RRN3: variants seen among roughly 807,000 people sequenced by gnomAD.
RRN3 encodes RNA polymerase I-specific transcription initiation factor RRN3.
A neutral mutation model predicts 82.3 loss-of-function variants in RRN3; 38 were observed. The observed-to-expected ratio is 0.46, with a 90% confidence interval of 0.36 to 0.61. The LOEUF (loss-of-function observed/expected upper bound fraction) is 0.61. Among genes scored for constraint, RRN3 ranks in the 20% least tolerant of loss-of-function variants. The pLI is 0.00. For synonymous variants in RRN3, 284 were observed against 284.3 expected (o/e 1.00, Z 0.01); for missense variants, 726 against 793.1 (o/e 0.92, Z 1.02).
intron 1 of RRN3, among the ~76,000 whole-genome samples, chr16:15,093,411 A>G (rs1185065013): frequency 6.6e-6 from 1 of 152,196 alleles, no homozygotes. Context: ...ACCTTGTTGT[A>G]TAACTGAAAT....
At chr16:15,069,966 C>CT (rs1161717558) in intron 14 of RRN3, 104 bp downstream of exon 14, 1 of 1,454,452 alleles carries the variant, frequency 6.9e-7, no homozygotes. Context: ...ATGCAGTTTT[C>CT]TGAATCCAGT....
chr16:15,082,130 G>A (rs542910147), intron 8 of RRN3, among the ~76,000 whole-genome samples: 5 of 152,192 alleles, frequency 3.3e-5, no homozygotes, highest in Non-Finnish European at 7.3e-5. Flanking sequence ...GGCTAGACAA[G>A]CAGCAAGAGC....
chr16:15,086,427 C>G lies in RRN3; in HGVS notation c.280G>C (p.Glu94Gln), dbSNP rs1455809801. The G allele has an allele frequency of 1.2e-6, 2 of 1,613,498 alleles. No individual in the cohort carries two copies. Among genetic ancestry groups the G allele is most frequent in the Non-Finnish European group, 1.7e-6 (2 of 1,179,726 alleles). Residue 94 changes from glutamate to glutamine, a missense_variant, in exon 4 of 18, where the codon GAA (glutamate) becomes CAA (glutamine). Physicochemically the swap from Glu to Gln is conservative, Grantham distance 29. Around this residue, in one of 4 missense-constraint regions of RRN3, gnomAD observed 344 missense variants for 394.5 expected, o/e 0.87. Transcript: ENST00000198767. ...AAGTACATGATAGAAGAACGGAATT[C>G]TAGCAGCCAGTTGATGATCTGGTCA... The part of the protein sequence containing the change: ...KDDQIINWLL[E>Q]FRSSIMYLTK...
chr16:15,074,459 A>G (rs1045592837), intron 11 of RRN3, among the ~76,000 whole-genome samples: 4 of 152,196 alleles, frequency 2.6e-5, no homozygotes. Context: ...ATTTGATCTA[A>G]AACTGGCCAA....
chr16:15,089,614 C>T (rs2046041430), intron 3 of RRN3, among the ~76,000 whole-genome samples: 2 of 151,012 alleles, frequency 1.3e-5, no homozygotes, highest in Admixed American at 1.3e-4. Context: ...TCCTGGCTAA[C>T]ATGGTGAAAC....
intron 8 of RRN3, among the ~76,000 whole-genome samples, chr16:15,082,761 T>A (rs976260499): frequency 1.6e-4 from 24 of 152,112 alleles, no homozygotes; most frequent in Non-Finnish European, 3.2e-4. Context: ...TGCTACTAGA[T>A]TCGGTTTTCT....
At chr16:15,074,699 T>C in intron 11 of RRN3, 24 bp downstream of exon 11, 2 of 1,592,648 alleles carry the variant, frequency 1.3e-6, no homozygotes, top group Non-Finnish European at 1.7e-6. Context: ...AGGTGTTCAA[T>C]AAACAGTAGC....
At chr16:15,086,874 G>A (rs3954027) in intron 3 of RRN3, among the ~76,000 whole-genome samples, 1 of 152,158 alleles carries the variant, frequency 6.6e-6, no homozygotes, top group Admixed American at 6.5e-5. Flanking sequence ...AAACTCAGTC[G>A]AGGCTGATCA....
intron 11 of RRN3, among the ~76,000 whole-genome samples, chr16:15,074,151 A>T (rs1488598908): frequency 1.3e-5 from 2 of 152,200 alleles, no homozygotes; most frequent in African/African-American, 4.8e-5. Context: ...TCTCTAATCA[A>T]CATGTATTAT....
At chr16:15,086,502 A>C (rs778842457) in intron 3 of RRN3, 48 bp from the exon 4 acceptor site, 16 of 1,607,272 alleles carry the variant, frequency 1.0e-5, no homozygotes, top group Non-Finnish European at 1.4e-5. Context: ...CCTCTAACAT[A>C]ACAGAAATTT....
chr16:15,061,945 C>T (rs753143986), intron 17 of RRN3, 40 bp from the exon 18 acceptor site: 1 of 1,565,682 alleles, frequency 6.4e-7, no homozygotes, highest in Non-Finnish European at 8.8e-7. Context: ...ATCACCAGTG[C>T]TGACTGAAAA....
chr16:15,089,371 A>G (rs1425075053), intron 3 of RRN3, among the ~76,000 whole-genome samples: 3 of 152,176 alleles, frequency 2.0e-5, no homozygotes, highest in Non-Finnish European at 4.4e-5. Flanking sequence ...ATATTAGGAC[A>G]CAGGTAGATT....
intron 3 of RRN3, among the ~76,000 whole-genome samples, chr16:15,090,567 G>C (rs2046090630): frequency 6.6e-6 from 1 of 152,200 alleles, no homozygotes; most frequent in African/African-American, 2.4e-5. Flanking sequence ...CCTGTGAATA[G>C]CCAGAGCAAC....
intron 5 of RRN3, 38 bp downstream of exon 5, chr16:15,086,091 G>A (rs199627037): frequency 1.1e-5 from 18 of 1,573,436 alleles, no homozygotes; most frequent in Middle Eastern, 1.7e-4. Flanking sequence ...TAATAAAGAA[G>A]TATTAAAAAG....
chr16:15,061,745 C>G lies in RRN3; in HGVS notation c.1955G>C (p.Ter652SerextTer9). ...CATCTCAGTCACAAATTTCTGCCGT[C>G]AGAGGGGACTGGGTTGCATGTACAA... ...PVLYMQPSPL* is the reference protein window; with the variant it reads ...PVLYMQPSPLS Residue 652 changes from the stop codon to serine (S), a stop_lost, in exon 18 of 18, where the codon TGA becomes TCA. Transcript: ENST00000198767. The G allele has an allele frequency of 6.2e-7, 1 of 1,606,066 alleles. No individual in the cohort carries two copies. The highest frequency in any genetic ancestry group is 8.5e-7 in the Non-Finnish European group (1 of 1,173,376).
rs2044914114 is a variant in RRN3 at position 15,065,207 on chromosome 16, A to C, written c.1706+12T>G. On this transcript the variant is annotated intron_variant, in intron 16 of 17. Coordinates refer to ENST00000198767, the MANE Select transcript of RRN3 (RefSeq NM_018427.5). ...TCCACCTCCTCCAGCGTCAATGTTT[A>C]AAAGTACCTACCTCTTCAGCACACA... is the stretch of plus-strand genomic sequence containing the variant. The C allele has an allele frequency of 6.3e-7, 1 of 1,585,086 alleles. No individual in the cohort carries two copies. The highest frequency in any genetic ancestry group is 1.2e-5 in the South Asian group (1 of 86,750).
At chr16:15,064,507 G>C (rs73491928) in intron 16 of RRN3, among the ~76,000 whole-genome samples, 8,508 of 152,252 alleles carry the variant, frequency 0.056, 392 homozygotes, top group African/African-American at 0.12. Flanking sequence ...CTGTGCAACA[G>C]AATGGTATGT....
rs904330370 is a variant in RRN3 at position 15,076,326 on chromosome 16, G to A, written c.858+232C>T. The A allele has an allele frequency of 2.7e-5, 16 of 597,070 alleles. No individual in the cohort carries two copies. In the African/African-American group the frequency reaches 2.8e-4, roughly 10 times the overall value. 37.0% of individuals were successfully genotyped at this position (597,070 alleles called of 1,614,324 possible). A position where few individuals can be genotyped will look rare whatever the true frequency, so the allele number is the denominator to read the frequency against. On this transcript the variant is annotated intron_variant, in intron 10 of 17. Coordinates refer to ENST00000198767, the MANE Select transcript of RRN3 (RefSeq NM_018427.5). Reference sequence around the variant, plus strand: ...CAAAAACAAACACTGAAAGTTACAAGAACAAAAGTGAAACATACTTCACCA... The same window carrying A: ...CAAAAACAAACACTGAAAGTTACAAAAACAAAAGTGAAACATACTTCACCA...
At chr16:15,078,443 C>G (rs1429429509) in intron 9 of RRN3, among the ~76,000 whole-genome samples, 3 of 151,994 alleles carry the variant, frequency 2.0e-5, no homozygotes, top group Admixed American at 2.0e-4. Flanking sequence ...CATCCTCTCC[C>G]GAAATGCAGT....
Sources: gnomAD v4.1 joint callset for allele counts (sites outside exome capture counted in the v4.1 genomes callset) on GRCh38, gnomAD v4.1.1 for gene constraint, gnomAD v4.1.1 regional missense constraint, MANE v1.5 for transcripts, NCBI Gene and HGNC (gene_info 2026-07-23, HGNC 2026-07-21) for gene names.